COL23A1: variants seen among roughly 807,000 people sequenced by gnomAD.
COL23A1 encodes collagen type XXIII alpha 1 chain.
A neutral mutation model predicts 99.3 loss-of-function variants in COL23A1; 97 were observed. The ratio of observed to expected loss-of-function variants is 0.98; its 90% confidence interval spans 0.83 to 1.16. The LOEUF (loss-of-function observed/expected upper bound fraction) is 1.16, where lower values mean the gene tolerates loss of function less well. Among genes scored for constraint, COL23A1 ranks in the 50% most tolerant of loss-of-function variants. The pLI is 0.00. For synonymous variants in COL23A1, 320 were observed against 308.2 expected (o/e 1.04, Z -0.40); for missense variants, 762 against 757.4 (o/e 1.01, Z -0.07).
chr5:178,551,946 A>G (rs992760657), intron 2 of COL23A1, among the ~76,000 whole-genome samples: 3 of 152,072 alleles, frequency 2.0e-5, no homozygotes, highest in African/African-American at 2.4e-5. Flanking sequence ...AGCAAACAAG[A>G]GTTCCCACCG....
At chr5:178,377,227 G>A (rs141832310) in intron 2 of COL23A1, among the ~76,000 whole-genome samples, 87 of 152,312 alleles carry the variant, frequency 5.7e-4, no homozygotes, top group African/African-American at 1.8e-3. Context: ...ATCTTCTCCC[G>A]TAACGGGCTG....
At chr5:178,370,920 T>A (rs1331920148) in intron 2 of COL23A1, among the ~76,000 whole-genome samples, 2 of 152,190 alleles carry the variant, frequency 1.3e-5, no homozygotes, top group Non-Finnish European at 1.5e-5. Flanking sequence ...CCAGCCTGTG[T>A]GACAGAGTGT....
rs1321999060 is a variant in COL23A1, at chr5:178,365,419, C to T, written c.362-58500G>A. Among the ~76,000 whole-genome samples, 1 of 152,124 alleles carries T rather than the reference C, an allele frequency of 6.6e-6. No individual in the cohort carries two copies. The highest frequency in any genetic ancestry group is 1.9e-4 in the East Asian group (1 of 5,182). ...CCACTGGCCTCCTCCCTCCCGGACACTCACGCATTTCAGGTCTGACGGGTA... is the reference window on the plus strand; with the variant it reads ...CCACTGGCCTCCTCCCTCCCGGACATTCACGCATTTCAGGTCTGACGGGTA... On this transcript the variant is annotated intron_variant, in intron 2 of 28. Transcript: ENST00000390654. The surrounding 1 kb of genome is among the most constrained non-coding windows in gnomAD (Gnocchi z 5.2).
At chr5:178,425,914 C>A (rs1279756076) in intron 2 of COL23A1, among the ~76,000 whole-genome samples, 2 of 152,198 alleles carry the variant, frequency 1.3e-5, no homozygotes, top group African/African-American at 4.8e-5. Context: ...GGGCTGGGGG[C>A]CAGCCGCTCC....
At chr5:178,463,054 G>A (rs9332465) in intron 2 of COL23A1, among the ~76,000 whole-genome samples, 63,277 of 152,182 alleles carry the variant, frequency 0.42, 14,120 homozygotes, top group Admixed American at 0.56. Context: ...CACGTCAGCA[G>A]ATGGTTAGGT....
At chr5:178,449,813 A>G (rs7709174) in intron 2 of COL23A1, among the ~76,000 whole-genome samples, 3,284 of 152,236 alleles carry the variant, frequency 0.022, 113 homozygotes, top group African/African-American at 0.068. Context: ...AGGCATGGGC[A>G]CTGAGTGGCA....
chr5:178,494,557 C>G (rs1758099478), intron 2 of COL23A1, among the ~76,000 whole-genome samples: 1 of 152,188 alleles, frequency 6.6e-6, no homozygotes, highest in Non-Finnish European at 1.5e-5. Flanking sequence ...TGCCTGTAAT[C>G]CCAGCTACCT....
chr5:178,509,796 A>G (rs1359877327), intron 2 of COL23A1, among the ~76,000 whole-genome samples: 2 of 152,144 alleles, frequency 1.3e-5, no homozygotes, highest in Non-Finnish European at 2.9e-5. Flanking sequence ...CCCCTTAAAC[A>G]ACTGTACACT....
At chr5:178,261,297 C>T (rs139606452) in intron 11 of COL23A1, among the ~76,000 whole-genome samples, 1 of 151,932 alleles carries the variant, frequency 6.6e-6, no homozygotes, top group African/African-American at 2.4e-5. Context: ...ACCTGTTGTC[C>T]CAGCTACTCA....
intron 2 of COL23A1, among the ~76,000 whole-genome samples, chr5:178,498,415 G>C (rs1242008856): frequency 6.6e-6 from 1 of 151,260 alleles, no homozygotes; most frequent in Non-Finnish European, 1.5e-5. Flanking sequence ...AAAAGTATCT[G>C]ACAGCCTAAA....
At chr5:178,482,758 C>T (rs1244545930) in intron 2 of COL23A1, among the ~76,000 whole-genome samples, 4 of 152,076 alleles carry the variant, frequency 2.6e-5, no homozygotes, top group Admixed American at 6.6e-5. Flanking sequence ...AAAAATCGGC[C>T]GGGCGTGGTG....
chr5:178,581,458 C>T (rs567507938), intron 1 of COL23A1, among the ~76,000 whole-genome samples: 5 of 151,340 alleles, frequency 3.3e-5, no homozygotes, highest in South Asian at 4.2e-4. Flanking sequence ...CCCAGCTACT[C>T]GGGAGGCTGA....
At chr5:178,305,780 G>A (rs1758318679) in intron 3 of COL23A1, among the ~76,000 whole-genome samples, 1 of 152,050 alleles carries the variant, frequency 6.6e-6, no homozygotes, top group Non-Finnish European at 1.5e-5. Flanking sequence ...GCTGCAGGAG[G>A]TCACGGCAGT....
At chr5:178,494,156 C>T (rs369048804) in intron 2 of COL23A1, among the ~76,000 whole-genome samples, 2 of 152,136 alleles carry the variant, frequency 1.3e-5, no homozygotes, top group African/African-American at 2.4e-5. Flanking sequence ...CAATACCCCA[C>T]AGTGTCTCAC....
chr5:178,385,003 G>A (rs115764288), intron 2 of COL23A1, among the ~76,000 whole-genome samples: 1,994 of 152,312 alleles, frequency 0.013, 37 homozygotes, highest in African/African-American at 0.045. Flanking sequence ...TCCACGCCGG[G>A]GGCTCTGTCC....
intron 2 of COL23A1, among the ~76,000 whole-genome samples, chr5:178,523,215 G>GAGAGAGAGAT: frequency 8.5e-6 from 1 of 118,150 alleles, no homozygotes; most frequent in Non-Finnish European, 1.8e-5. Context: ...GAGAGAGAGA[G>GAGAGAGAGAT]AGAGAGAGAG....
intron 2 of COL23A1, among the ~76,000 whole-genome samples, chr5:178,331,849 G>A (rs1404526464): frequency 2.6e-5 from 4 of 152,234 alleles, no homozygotes; most frequent in African/African-American, 7.2e-5. Context: ...TGTCCTGACC[G>A]GCAGCCCGGG....
intron 5 of COL23A1, among the ~76,000 whole-genome samples, chr5:178,279,501 C>T (rs1278063837): frequency 6.6e-6 from 1 of 152,214 alleles, no homozygotes; most frequent in Admixed American, 6.5e-5. Flanking sequence ...CTAGACCCTC[C>T]ACCTTGCAGC....
At chr5:178,562,691 C>G (rs1762643470) in intron 1 of COL23A1, 1 of 148,202 alleles carries the variant, frequency 6.7e-6, no homozygotes, top group Non-Finnish European at 1.5e-5. Flanking sequence ...AACAAAGCTC[C>G]CACAAGGTGA....
Sources: gnomAD v4.1 joint callset for allele counts (sites outside exome capture counted in the v4.1 genomes callset) on GRCh38, gnomAD v4.1.1 for gene constraint, Gnocchi (gnomAD v3.1) non-coding constraint, MANE v1.5 for transcripts, NCBI Gene and HGNC (gene_info 2026-07-23, HGNC 2026-07-21) for gene names.